Variants in ZNF70 observed in about 807,000 individuals in gnomAD.
ZNF70 encodes the protein zinc finger protein 70.
Under a neutral mutation model 37.7 loss-of-function variants are expected in ZNF70, and 18 were observed. The observed-to-expected ratio is 0.48, with a 90% CI of 0.33 to 0.71. The LOEUF (loss-of-function observed/expected upper bound fraction) is 0.71. Among genes scored for constraint, ZNF70 ranks in the 30% least tolerant of loss-of-function variants. The pLI, the probability that ZNF70 is intolerant of heterozygous loss-of-function variation, is 0.02. For synonymous variants in ZNF70, 219 were observed against 220.1 expected (o/e 0.99, Z 0.05); for missense variants, 506 against 568.6 (o/e 0.89, Z 1.12).
In ZNF70 at chr22:23,744,417, G is replaced by A; in HGVS notation, c.724C>T (p.His242Tyr). The change falls in exon 2 of 2, where the codon CAC becomes TAC. Residue 242 changes from histidine to tyrosine, a missense_variant. Transcript: ENST00000341976. ...CTCTCTCCTGTATGAATTCTCTCGT[G>A]TTTTCTGAGGCTGGAGCTCCGGCTG... ...DFSRSSSLRK[H>Y]ERIHTGERPY... 2 of 1,614,156 alleles carry A rather than the reference G, an allele frequency of 1.2e-6. No individual in the cohort carries two copies. Among genetic ancestry groups the A allele is most frequent in the Non-Finnish European group, 8.5e-7 (1 of 1,180,038 alleles).
chr22:23,739,354 C>CA lies in ZNF70; in HGVS notation c.*4445dup, dbSNP rs1176370437. On this transcript the variant is annotated 3_prime_UTR_variant, in exon 2 of 2. Transcript: ENST00000341976. ...GCAGTGGCACCACCTCGGCTCACTGCAAGCTCTGCCTCCCGGGTTCACACC... is the reference window on the plus strand; with the variant it reads ...GCAGTGGCACCACCTCGGCTCACTGCAAAGCTCTGCCTCCCGGGTTCACACC... The CA allele has an allele frequency of 6.6e-6, 1 of 152,174 alleles. No individual in the cohort carries two copies. Among genetic ancestry groups the CA allele is most frequent in the Non-Finnish European group, 1.5e-5 (1 of 68,042 alleles). The allele number at this position is 152,174 out of a possible 1,614,324, so 9.4% of individuals were successfully genotyped here.
In ZNF70 at chr22:23,746,412, G is replaced by A. The variant is rs141512626; in HGVS notation, c.-79-1193C>T. On this transcript the variant is annotated intron_variant, in intron 1 of 1. Transcript: ENST00000341976. ...AGTAGAGACCGGGATTCACCATGTT[G>A]GCCAGGCTGGTCTCAAACTTCTGAT... Among the ~76,000 whole-genome samples, 1,422 of 151,752 alleles carry A rather than the reference G, an allele frequency of 9.4e-3. 22 individuals carry two copies. Among genetic ancestry groups the A allele is most frequent in the African/African-American group, 0.031 (1,298 of 41,356 alleles).
intron 1 of ZNF70, among the ~76,000 whole-genome samples, chr22:23,749,408 G>C (rs1354182416): frequency 8.3e-6 from 1 of 121,124 alleles, no homozygotes; most frequent in Non-Finnish European, 1.6e-5. Context: ...GGTGCCTGTA[G>C]TCCCAGCTAC....
Position 23,745,321 on chromosome 22 carries a change from T to C in ZNF70, c.-79-102A>G, listed in dbSNP as rs1925086062. 11 of 667,042 alleles carry C rather than the reference T, an allele frequency of 1.6e-5. No homozygotes were observed. The South Asian group carries it at 2.2e-4, about 13-fold the overall frequency. The allele number at this position is 667,042 out of a possible 1,614,324, so 41.3% of individuals were successfully genotyped here. Reference sequence around the variant, plus strand: ...TATGGTAGAAACAAGAAAATACGCATAAGACACAATCTTGCCCTTAAGATG... The same window carrying C: ...TATGGTAGAAACAAGAAAATACGCACAAGACACAATCTTGCCCTTAAGATG... On this transcript the variant is annotated intron_variant, in intron 1 of 1. Transcript: ENST00000341976.
rs202233237 is a variant in ZNF70, at chr22:23,744,714, G to A, written c.427C>T (p.Arg143Ter). Residue 143 changes from arginine (R) to a stop codon, truncating the protein, a stop_gained, in exon 2 of 2, where the codon CGA (arginine) becomes TGA (stop). Transcript: ENST00000341976. LOFTEE classifies it high-confidence loss of function. ...TPQPAKPYAC[R>*]ECGKAFSQSS... is the part of the protein sequence containing the mutation. Reference sequence around the variant, plus strand: ...TGGCTGAAGGCCTTCCCACACTCTCGACACGCATAGGGCTTGGCTGGTTGT... The same window carrying A: ...TGGCTGAAGGCCTTCCCACACTCTCAACACGCATAGGGCTTGGCTGGTTGT... 4 of 1,614,216 alleles carry A rather than the reference G, an allele frequency of 2.5e-6. No homozygotes were observed. Among genetic ancestry groups the A allele is most frequent in the South Asian group, 1.1e-5 (1 of 91,074 alleles).
chr22:23,747,759 G>A (rs1925178868), intron 1 of ZNF70, among the ~76,000 whole-genome samples: 1 of 152,150 alleles, frequency 6.6e-6, no homozygotes, highest in South Asian at 2.1e-4. Flanking sequence ...GTGAACTCAG[G>A]AGGCAGAGCT....
chr22:23,749,565 ATACAGGCTC>A (rs1356478036), intron 1 of ZNF70, among the ~76,000 whole-genome samples: 1 of 146,450 alleles, frequency 6.8e-6, no homozygotes, highest in Non-Finnish European at 1.5e-5. Flanking sequence ...GTAGCTGGGA[ATACAGGCTC>A]TACAGGCACG....
chr22:23,744,323 A>C lies in ZNF70; in HGVS notation c.818T>G (p.Ile273Ser). The change falls in exon 2 of 2, where the codon ATC becomes AGC. Residue 273 changes from isoleucine to serine, a missense_variant. Transcript: ENST00000341976. ...QSSGLSQHRK[I>S]HTLKKPHECD... ...CTCGTGAGGTTTCTTTAGGGTGTGG[A>C]TCTTCCGATGCTGGCTCAGGCCTGA... The C allele has an allele frequency of 1.2e-6, 2 of 1,613,966 alleles. No individual in the cohort carries two copies. Among genetic ancestry groups the C allele is most frequent in the Admixed American group, 3.3e-5 (2 of 60,012 alleles).
chr22:23,742,429 C>T lies in ZNF70; in HGVS notation c.*1371G>A, dbSNP rs753126942. On this transcript the variant is annotated 3_prime_UTR_variant, in exon 2 of 2. Coordinates refer to ENST00000341976, the MANE Select transcript of ZNF70 (RefSeq NM_021916.4). ...CTAGTTGGCAGGCGGGGAAGACAGACAGAATGTGGAAGTGCAGAATGACAC... is the reference window on the plus strand; with the variant it reads ...CTAGTTGGCAGGCGGGGAAGACAGATAGAATGTGGAAGTGCAGAATGACAC... The T allele has an allele frequency of 1.3e-5, 2 of 152,330 alleles. No homozygotes were observed. Among genetic ancestry groups the T allele is most frequent in the Non-Finnish European group, 2.9e-5 (2 of 68,106 alleles). 9.4% of individuals were successfully genotyped at this position (152,330 alleles called of 1,614,324 possible). A position where few individuals can be genotyped will look rare whatever the true frequency, so the allele number is the denominator to read the frequency against.
At chr22:23,746,410 T>A (rs1030390741) in intron 1 of ZNF70, among the ~76,000 whole-genome samples, 4 of 151,978 alleles carry the variant, frequency 2.6e-5, no homozygotes, top group Non-Finnish European at 2.9e-5. Flanking sequence ...ATTCACCATG[T>A]TGGCCAGGCT....
chr22:23,739,285 A>T lies in ZNF70; in HGVS notation c.*4515T>A, dbSNP rs867711202. 1.4e-5 allele frequency: 2 copies of T among 147,482 alleles called. No homozygotes were observed. Among genetic ancestry groups the T allele is most frequent in the African/African-American group, 2.7e-5 (1 of 37,284 alleles). The allele number at this position is 147,482 out of a possible 1,614,324, so 9.1% of individuals were successfully genotyped here. On this transcript the variant is annotated 3_prime_UTR_variant, in exon 2 of 2. Coordinates refer to ENST00000341976, the MANE Select transcript of ZNF70 (RefSeq NM_021916.4). Reference sequence around the variant, plus strand: ...TCACTTAGAAATTTTTTTTATATATATTTTTTTTGAGACAGAGTCTAGCTC... The same window carrying T: ...TCACTTAGAAATTTTTTTTATATATTTTTTTTTTGAGACAGAGTCTAGCTC...
rs551191604 is a variant in ZNF70 at position 23,748,321 on chromosome 22, C to G, written c.-80+2390G>C. 1.6e-4 allele frequency among the ~76,000 whole-genome samples: 24 copies of G among 152,232 alleles called. 1 individual carries two copies. In the South Asian group the frequency reaches 4.8e-3, roughly 30 times the overall value. ...GGAGTAGAATCACAGCTCACTGCAG[C>G]CTTGACCTCCCCGGCTCAACTGATC... On this transcript the variant is annotated intron_variant, in intron 1 of 1. Transcript: ENST00000341976.
Position 23,744,164 on chromosome 22 carries a change from T to C in ZNF70, c.977A>G (p.His326Arg). 1 of 1,614,078 alleles carries C rather than the reference T, an allele frequency of 6.2e-7. No individual in the cohort carries two copies. The highest frequency in any genetic ancestry group is 8.5e-7 in the Non-Finnish European group (1 of 1,179,990). ...CTTCTCGCCAGTGTGGGTCTTGCGG[T>C]GCTCAATGAGGTTGGAGCTCTGGCT... is the stretch of plus-strand genomic sequence containing the variant. ...AFSQSSNLIEHRKTHTGEKPY... is the reference protein window; with the variant it reads ...AFSQSSNLIERRKTHTGEKPY... The change falls in exon 2 of 2, where the codon CAC becomes CGC. Residue 326 changes from histidine to arginine, a missense_variant. Physicochemically the swap from His to Arg is conservative, Grantham distance 29. Coordinates refer to ENST00000341976, the MANE Select transcript of ZNF70 (RefSeq NM_021916.4).
Position 23,744,084 on chromosome 22 carries a change from C to G in ZNF70, c.1057G>C (p.Glu353Gln), listed in dbSNP as rs745536464. 2.5e-6 allele frequency: 4 copies of G among 1,612,276 alleles called. No individual in the cohort carries two copies. Residue 353 changes from glutamate to glutamine, a missense_variant, in exon 2 of 2, where the codon GAG (glutamate) becomes CAG (glutamine). Glu to Gln is a conservative substitution (Grantham distance 29, BLOSUM62 2). Coordinates refer to ENST00000341976, the MANE Select transcript of ZNF70 (RefSeq NM_021916.4). ...KAFSQSSSLIEHQRIHTGEKP... is the reference protein window; with the variant it reads ...KAFSQSSSLIQHQRIHTGEKP... ...TCACCGGTGTGGATGCGCTGGTGCT[C>G]AATGAGGGAGGAGCTCTGGCTGAAG...
chr22:23,748,942 A>C (rs1267683365), intron 1 of ZNF70, among the ~76,000 whole-genome samples: 1 of 151,848 alleles, frequency 6.6e-6, no homozygotes, highest in Non-Finnish European at 1.5e-5. Flanking sequence ...TCCAGAATGG[A>C]GTGCAGTAGT....
rs1292593601 is a variant in ZNF70, at chr22:23,743,628, T to C, written c.*172A>G. 4.4e-6 allele frequency: 4 copies of C among 912,132 alleles called. No individual in the cohort carries two copies. The highest frequency in any genetic ancestry group is 6.5e-6 in the Non-Finnish European group (4 of 611,856). 56.5% of individuals were successfully genotyped at this position (912,132 alleles called of 1,614,324 possible). On this transcript the variant is annotated 3_prime_UTR_variant, in exon 2 of 2. Coordinates refer to ENST00000341976, the MANE Select transcript of ZNF70 (RefSeq NM_021916.4). The stretch of plus-strand genomic sequence containing the variant: ...GCAGAAAACCTGCTGAGAGCTGGCG[T>C]GCTTGGCCCAGGGCCACACAGGGCC...
At chr22:23,747,848 T>C (rs1925182840) in intron 1 of ZNF70, among the ~76,000 whole-genome samples, 1 of 151,418 alleles carries the variant, frequency 6.6e-6, no homozygotes. Context: ...TAAATAAAAA[T>C]AAAAATAAAA....
At position 23,750,755 on chromosome 22, in the gene ZNF70, T is replaced by C. The variant is rs1301237818; in HGVS notation, c.-124A>G. 2.0e-5 allele frequency: 3 copies of C among 152,402 alleles called. No individual in the cohort carries two copies. Among genetic ancestry groups the C allele is most frequent in the Non-Finnish European group, 4.4e-5 (3 of 68,168 alleles). The allele number at this position is 152,402 out of a possible 1,614,324, so 9.4% of individuals were successfully genotyped here. A position where few individuals can be genotyped will look rare whatever the true frequency, so the allele number is the denominator to read the frequency against. ...GGGTCCTCCTGCATCTGTCATCCCA[T>C]CCTCCAGAGAGTCCCTAGGGCCTGG... On this transcript the variant is annotated 5_prime_UTR_variant, in exon 1 of 2. The change abolishes an upstream ATG in the 5' untranslated region. Coordinates refer to ENST00000341976, the MANE Select transcript of ZNF70 (RefSeq NM_021916.4).
Position 23,740,756 on chromosome 22 carries a change from C to CAAAAAAAAAAAAAAA in ZNF70, c.*3029_*3043dup, listed in dbSNP as rs759244969. On this transcript the variant is annotated 3_prime_UTR_variant, in exon 2 of 2. Coordinates refer to ENST00000341976, the MANE Select transcript of ZNF70 (RefSeq NM_021916.4). ...CCTGGGTGACAGTGAGACTCTGTCT[C>CAAAAAAAAAAAAAAA]AAAAAAAAAAAAAAAAAAAAAAAAA... 2.1e-5 allele frequency: 1 copy of CAAAAAAAAAAAAAAA among 48,408 alleles called. No homozygotes were observed. Among genetic ancestry groups the CAAAAAAAAAAAAAAA allele is most frequent in the East Asian group, 5.2e-4 (1 of 1,908 alleles). The allele number at this position is 48,408 out of a possible 1,614,324, so 3.0% of individuals were successfully genotyped here.
Sources: gnomAD v4.1 joint callset for allele counts (sites outside exome capture counted in the v4.1 genomes callset) on GRCh38, gnomAD v4.1.1 for gene constraint, MANE v1.5 for transcripts, NCBI Gene and HGNC (gene_info 2026-07-23, HGNC 2026-07-21) for gene names.